Variants in NUMB observed in about 807,000 individuals in gnomAD.
The protein encoded by NUMB is NUMB endocytic adaptor protein.
A neutral mutation model predicts 59.7 loss-of-function variants in NUMB; 29 were observed. The ratio of observed to expected loss-of-function variants is 0.49; its 90% CI spans 0.36 to 0.66. The LOEUF (loss-of-function observed/expected upper bound fraction) is 0.66. NUMB is among the 30% of genes least tolerant of loss of function. The probability of loss-of-function intolerance (pLI) is 0.00; values close to 1 mark genes in which losing one functional copy is unlikely to be tolerated. For synonymous variants in NUMB, 288 were observed against 288.2 expected (o/e 1.00, Z 0.01); for missense variants, 723 against 822.0 (o/e 0.88, Z 1.47).
At chr14:73,387,742 A>C (rs868416786) in intron 2 of NUMB, among the ~76,000 whole-genome samples, 6,622 of 149,902 alleles carry the variant, frequency 0.044, 512 homozygotes, top group African/African-American at 0.16. Flanking sequence ...CAAAAAAAAA[A>C]AAACAAAAAC....
chr14:73,444,196 G>A (rs982930515), intron 1 of NUMB, among the ~76,000 whole-genome samples: 5 of 152,088 alleles, frequency 3.3e-5, no homozygotes, highest in Non-Finnish European at 7.4e-5. Context: ...TCAGGAGATC[G>A]AGACCACCCT....
At position 73,355,673 on chromosome 14, in the gene NUMB, T is replaced by A. The variant is rs1566758520; in HGVS notation, c.79A>T (p.Thr27Ser). Residue 27 changes from threonine to serine, a missense_variant, in exon 4 of 13, where the codon ACA becomes TCA. This residue lies in a region of NUMB where 317 missense variants were observed against 436.6 expected (regional missense o/e 0.73). Transcript: ENST00000555238. ...PEASRPHQWQ[T>S]DEEGVRTGKC... ...CCGGTGCGAACGCCTTCTTCATCTG[T>A]CTGCCACTGATGTGGACGACTGGCC... 6.2e-7 allele frequency: 1 copy of A among 1,613,992 alleles called. No homozygotes were observed. Among genetic ancestry groups the A allele is most frequent in the East Asian group, 2.2e-5 (1 of 44,864 alleles).
chr14:73,425,998 C>T (rs946564967), intron 1 of NUMB, among the ~76,000 whole-genome samples: 3 of 151,798 alleles, frequency 2.0e-5, no homozygotes, highest in African/African-American at 7.3e-5. Flanking sequence ...TTAGTAGATA[C>T]AATGTTTCAA....
intron 3 of NUMB, among the ~76,000 whole-genome samples, chr14:73,363,578 C>A (rs762831603): frequency 2.2e-4 from 34 of 152,114 alleles, no homozygotes; most frequent in Non-Finnish European, 4.4e-4. Flanking sequence ...GCTGGCATAA[C>A]CTGGATACCA....
intron 2 of NUMB, among the ~76,000 whole-genome samples, chr14:73,403,905 C>T (rs1359491357): frequency 6.6e-6 from 1 of 151,540 alleles, no homozygotes; most frequent in Non-Finnish European, 1.5e-5. Context: ...TCAGCCTGGC[C>T]AATATGCTGA....
At chr14:73,442,044 A>T (rs1364102966) in intron 1 of NUMB, among the ~76,000 whole-genome samples, 1 of 151,824 alleles carries the variant, frequency 6.6e-6, no homozygotes, top group East Asian at 1.9e-4. Context: ...ACTTATGGGC[A>T]TATACACAAA....
chr14:73,335,798 T>C (rs1892278299), intron 4 of NUMB, among the ~76,000 whole-genome samples: 1 of 152,206 alleles, frequency 6.6e-6, no homozygotes, highest in Non-Finnish European at 1.5e-5. Context: ...GACATAATAT[T>C]CATCAAGTTA....
chr14:73,349,577 GAAAA>G (rs71112731), intron 4 of NUMB, among the ~76,000 whole-genome samples: 1 of 127,536 alleles, frequency 7.8e-6, no homozygotes, highest in Non-Finnish European at 1.6e-5. Context: ...TCCATCTCAA[GAAAA>G]AAAAAAAAAA....
intron 1 of NUMB, among the ~76,000 whole-genome samples, chr14:73,451,153 C>CT (rs1883913436): frequency 2.6e-5 from 1 of 38,572 alleles, no homozygotes; most frequent in Non-Finnish European, 5.1e-5. Context: ...GACTCTGTCT[C>CT]AAAAAAAAAA....
At chr14:73,277,575 C>G (rs1019519229) in intron 12 of NUMB, among the ~76,000 whole-genome samples, 4 of 152,132 alleles carry the variant, frequency 2.6e-5, no homozygotes, top group African/African-American at 9.7e-5. Context: ...ATGTCAGAAA[C>G]CCCTCGCTGT....
At chr14:73,280,686 AT>A (rs397852698) in intron 11 of NUMB, among the ~76,000 whole-genome samples, 5,055 of 87,658 alleles carry the variant, frequency 0.058, 125 homozygotes, top group African/African-American at 0.16. Context: ...TGTTGGTACT[AT>A]TTTTTTTTTT....
At chr14:73,303,337 TG>T (rs1017423427) in intron 6 of NUMB, among the ~76,000 whole-genome samples, 4 of 152,112 alleles carry the variant, frequency 2.6e-5, no homozygotes, top group Non-Finnish European at 4.4e-5. Context: ...CCCAGCACTT[TG>T]GGAGGCCAGG....
chr14:73,286,847 A>C, intron 9 of NUMB: 1 of 461,002 alleles, frequency 2.2e-6, no homozygotes, highest in Non-Finnish European at 4.0e-6. Flanking sequence ...GATGGGAGGA[A>C]GGGGGTAAGA....
At chr14:73,295,327 A>G (rs942791340) in intron 7 of NUMB, among the ~76,000 whole-genome samples, 12 of 152,314 alleles carry the variant, frequency 7.9e-5, no homozygotes, top group Admixed American at 1.3e-4. Flanking sequence ...AATGACTACT[A>G]ATTACTACTA....
intron 1 of NUMB, among the ~76,000 whole-genome samples, chr14:73,431,799 G>T (rs1332795083): frequency 6.6e-6 from 1 of 151,930 alleles, no homozygotes. Flanking sequence ...AATTTATCAT[G>T]ACTTTTAAGG....
intron 3 of NUMB, among the ~76,000 whole-genome samples, chr14:73,358,601 A>ACTT (rs1449579025): frequency 8.6e-5 from 10 of 115,726 alleles, no homozygotes; most frequent in Non-Finnish European, 1.4e-4. Context: ...GGAAAGCTAG[A>ACTT]CTTTTTTTTT....
chr14:73,378,606 T>C (rs1469460167), intron 2 of NUMB, among the ~76,000 whole-genome samples: 1 of 152,112 alleles, frequency 6.6e-6, no homozygotes, highest in East Asian at 1.9e-4. Context: ...TGAAAAGACA[T>C]GGAGGAACCT....
intron 8 of NUMB, among the ~76,000 whole-genome samples, chr14:73,291,068 G>A (rs1039534380): frequency 6.6e-6 from 1 of 150,564 alleles, no homozygotes; most frequent in South Asian, 2.1e-4. Flanking sequence ...TAGTATTTCT[G>A]TTTAGTTTTT....
intron 8 of NUMB, among the ~76,000 whole-genome samples, chr14:73,288,886 A>C (rs564380791): frequency 6.6e-6 from 1 of 152,102 alleles, no homozygotes; most frequent in African/African-American, 2.4e-5. Context: ...AAAAAAAAAG[A>C]AAAAGAAAAA....
Sources: gnomAD v4.1 joint callset for allele counts (sites outside exome capture counted in the v4.1 genomes callset) on GRCh38, gnomAD v4.1.1 for gene constraint, gnomAD v4.1.1 regional missense constraint, MANE v1.5 for transcripts, NCBI Gene and HGNC (gene_info 2026-07-23, HGNC 2026-07-21) for gene names.